CRTC3: variants seen among roughly 807,000 people sequenced by gnomAD.
The protein encoded by CRTC3 is CREB-regulated transcription coactivator 3.
Under a neutral mutation model 74.5 loss-of-function variants are expected in CRTC3, and 26 were observed. That is an observed-to-expected ratio of 0.35 (90% CI 0.26 to 0.48). The LOEUF is 0.48. Ranked by LOEUF, CRTC3 falls within the 20% of genes least tolerant of loss-of-function variation. The probability of loss-of-function intolerance (pLI) is 0.99; values close to 1 mark genes in which losing one functional copy is unlikely to be tolerated. For missense variants in CRTC3, 760 were observed against 787.3 expected, an observed-to-expected ratio of 0.97 and a Z score of 0.41; for synonymous variants, 377 against 325.8, an observed-to-expected ratio of 1.16 and a Z score of -1.69.
At chr15:90,599,816 G>C (rs7163189) in intron 3 of CRTC3, among the ~76,000 whole-genome samples, 1 of 152,122 alleles carries the variant, frequency 6.6e-6, no homozygotes, top group East Asian at 1.9e-4. Context: ...AGTACTATGA[G>C]ATCAGAGATA....
chr15:90,625,823 G>C lies in CRTC3; in HGVS notation c.797G>C (p.Gly266Ala), dbSNP rs752882950. The C allele has an allele frequency of 1.2e-6, 2 of 1,613,956 alleles. No homozygotes were observed. Among genetic ancestry groups the C allele is most frequent in the African/African-American group, 1.3e-5 (1 of 74,868 alleles). ...AACCTAGGCCTCTCACCCTTCTTGG[G>C]GACCTTGAACACTGGAGGGTCATTG... Reference protein sequence around the residue: ...GQNLGLSPFLGTLNTGGSLPD... With the variant: ...GQNLGLSPFLATLNTGGSLPD... The change falls in exon 10 of 15, where the codon GGG becomes GCG. Residue 266 changes from glycine (G) to alanine (A), a missense_variant. By Grantham distance (60) the Gly-to-Ala change is moderately conservative. This residue lies in a region of CRTC3 where 652 missense variants were observed against 635.2 expected (regional missense o/e 1.03). Transcript: ENST00000268184.
At chr15:90,586,394 T>C (rs1596103156) in intron 2 of CRTC3, among the ~76,000 whole-genome samples, 1 of 129,330 alleles carries the variant, frequency 7.7e-6, no homozygotes, top group Non-Finnish European at 1.6e-5. Flanking sequence ...TGAGATGGAG[T>C]CTCGCTTTGT....
chr15:90,628,002 G>A (rs1968901525), intron 10 of CRTC3, among the ~76,000 whole-genome samples: 1 of 150,492 alleles, frequency 6.6e-6, no homozygotes, highest in Non-Finnish European at 1.5e-5. Context: ...TGGATCACGA[G>A]GTCAGGAGAT....
At position 90,642,396 on chromosome 15, in the gene CRTC3, G is replaced by A. The variant is rs532256525; in HGVS notation, c.*256G>A. 1.8e-3 allele frequency: 970 copies of A among 531,368 alleles called. 3 individuals are homozygous for A. Among genetic ancestry groups the A allele is most frequent in the Non-Finnish European group, 2.8e-3 (831 of 293,878 alleles). 32.9% of individuals were successfully genotyped at this position (531,368 alleles called of 1,614,324 possible). ...GCTGCTTGGAGCTTCCCATGAACTGGAAAGCTCACCTCCACTGCATCTTTT... is the reference window on the plus strand; with the variant it reads ...GCTGCTTGGAGCTTCCCATGAACTGAAAAGCTCACCTCCACTGCATCTTTT... On this transcript the variant is annotated 3_prime_UTR_variant, in exon 15 of 15. Coordinates refer to ENST00000268184, the MANE Select transcript of CRTC3 (RefSeq NM_022769.5).
chr15:90,604,364 ATGT>A lies in CRTC3; in HGVS notation c.414-16_414-14del. On this transcript the variant is annotated intron_variant, in intron 4 of 14. Coordinates refer to ENST00000268184, the MANE Select transcript of CRTC3 (RefSeq NM_022769.5). Reference sequence around the variant, plus strand: ...CTGTGGATTGACTTCTTTTCCTTTTATGTTGTTCTGGTTTTTAAAGGCAGCAGC... The same window carrying A: ...CTGTGGATTGACTTCTTTTCCTTTTATGTTCTGGTTTTTAAAGGCAGCAGC... 7 of 1,607,972 alleles carry A rather than the reference ATGT, an allele frequency of 4.4e-6. No individual in the cohort carries two copies. Among genetic ancestry groups the A allele is most frequent in the Non-Finnish European group, 6.0e-6 (7 of 1,174,590 alleles).
At chr15:90,545,782 G>T (rs1412995649) in intron 2 of CRTC3, among the ~76,000 whole-genome samples, 4 of 152,050 alleles carry the variant, frequency 2.6e-5, no homozygotes, top group Non-Finnish European at 4.4e-5. Context: ...GTTTCACTGT[G>T]TTAGCCAGGA....
intron 2 of CRTC3, among the ~76,000 whole-genome samples, chr15:90,561,709 G>A (rs1394480137): frequency 6.6e-6 from 1 of 152,200 alleles, no homozygotes; most frequent in Non-Finnish European, 1.5e-5. Context: ...ATTTAAAGTA[G>A]TGATTATCTC....
At chr15:90,543,332 G>A (rs548259869) in intron 2 of CRTC3, among the ~76,000 whole-genome samples, 117 of 148,106 alleles carry the variant, frequency 7.9e-4, no homozygotes, top group South Asian at 1.9e-3. Context: ...TGGCCTGTCT[G>A]TCAGGCTTCC....
chr15:90,634,194 C>T (rs1969150680), intron 11 of CRTC3, among the ~76,000 whole-genome samples: 1 of 151,184 alleles, frequency 6.6e-6, no homozygotes. Context: ...TCATTGTAAC[C>T]TCCGCCATCC....
At chr15:90,568,160 GA>G (rs1967169392) in intron 2 of CRTC3, among the ~76,000 whole-genome samples, 1 of 152,198 alleles carries the variant, frequency 6.6e-6, no homozygotes, top group African/African-American at 2.4e-5. Flanking sequence ...GGAGCCTGAA[GA>G]TGTGACTGAA....
At chr15:90,613,138 A>G (rs1968403973) in intron 6 of CRTC3, among the ~76,000 whole-genome samples, 1 of 139,398 alleles carries the variant, frequency 7.2e-6, no homozygotes, top group Non-Finnish European at 1.5e-5. Context: ...AGCCAAGGTC[A>G]CGCCACCGCA....
intron 2 of CRTC3, among the ~76,000 whole-genome samples, chr15:90,557,558 T>C (rs1010726666): frequency 2.0e-5 from 3 of 152,162 alleles, no homozygotes; most frequent in African/African-American, 7.2e-5. Flanking sequence ...TCTGGACCTT[T>C]CACATAGTGA....
intron 2 of CRTC3, among the ~76,000 whole-genome samples, chr15:90,576,397 G>A (rs549118261): frequency 6.6e-6 from 1 of 151,914 alleles, no homozygotes; most frequent in Non-Finnish European, 1.5e-5. Context: ...CATTCCCAGC[G>A]ATTTGAAACA....
chr15:90,557,552 G>T (rs1216388162), intron 2 of CRTC3, among the ~76,000 whole-genome samples: 5 of 152,236 alleles, frequency 3.3e-5, no homozygotes, highest in Non-Finnish European at 7.4e-5. Flanking sequence ...TGCACATCTG[G>T]ACCTTTCACA....
chr15:90,575,885 G>A (rs967642861), intron 2 of CRTC3, among the ~76,000 whole-genome samples: 6 of 151,918 alleles, frequency 3.9e-5, no homozygotes, highest in Admixed American at 6.6e-5. Context: ...CTTTAAAATC[G>A]GCTTGTTGAG....
chr15:90,563,691 C>T (rs1438905473), intron 2 of CRTC3, among the ~76,000 whole-genome samples: 1 of 152,090 alleles, frequency 6.6e-6, no homozygotes, highest in Non-Finnish European at 1.5e-5. Flanking sequence ...TTAAGGTTAG[C>T]CAACCGAGAG....
At position 90,629,419 on chromosome 15, in the gene CRTC3, C is replaced by A; in HGVS notation, c.1153C>A (p.Arg385Ser). ...STTNLSGPSR[R>S]RQPPVSPLTL... ...CACAAACCTGAGCGGCCCGTCTCGG[C>A]GTCGGCAGCCTCCCGTCAGCCCTCT... Residue 385 changes from arginine to serine, a missense_variant, in exon 11 of 15, where the codon CGT becomes AGT. By Grantham distance (110) the Arg-to-Ser change is moderately radical. This residue lies in a region of CRTC3 where 652 missense variants were observed against 635.2 expected (regional missense o/e 1.03). Coordinates refer to ENST00000268184, the MANE Select transcript of CRTC3 (RefSeq NM_022769.5). 1 of 1,614,106 alleles carries A rather than the reference C, an allele frequency of 6.2e-7. No homozygotes were observed. The highest frequency in any genetic ancestry group is 8.5e-7 in the Non-Finnish European group (1 of 1,180,016).
At chr15:90,542,907 G>T (rs919832003) in intron 2 of CRTC3, among the ~76,000 whole-genome samples, 1 of 152,116 alleles carries the variant, frequency 6.6e-6, no homozygotes, top group African/African-American at 2.4e-5. Context: ...TGCATCTTTG[G>T]CAGGAATAAC....
intron 13 of CRTC3, among the ~76,000 whole-genome samples, chr15:90,640,015 C>G (rs1169920820): frequency 6.6e-6 from 1 of 151,892 alleles, no homozygotes; most frequent in Non-Finnish European, 1.5e-5. Flanking sequence ...CACCACTGCA[C>G]TTCAGTCTGG....
Sources: allele counts gnomAD v4.1 joint callset (sites outside exome capture counted in the v4.1 genomes callset), GRCh38; gene constraint gnomAD v4.1.1; regional missense constraint gnomAD v4.1.1; transcripts MANE v1.5; gene names NCBI Gene and HGNC (gene_info 2026-07-23, HGNC 2026-07-21).